SLAMF7: variants seen among roughly 807,000 people sequenced by gnomAD.
SLAMF7 encodes SLAM family member 7.
A neutral mutation model predicts 34.1 loss-of-function variants in SLAMF7; 26 were observed. That is an observed-to-expected ratio of 0.76 (90% CI 0.56 to 1.06). The LOEUF is 1.06. Among genes scored for constraint, SLAMF7 ranks in the 50% least tolerant of loss-of-function variants. The probability of loss-of-function intolerance (pLI) is 0.00; values close to 1 mark genes in which losing one functional copy is unlikely to be tolerated. For synonymous variants in SLAMF7, 171 were observed against 156.4 expected (o/e 1.09, Z -0.70); for missense variants, 399 against 402.5 (o/e 0.99, Z 0.07).
chr1:160,748,113 C>A, intron 1 of SLAMF7, 81 bp from the exon 2 acceptor site: 3 of 1,423,724 alleles, frequency 2.1e-6, no homozygotes, highest in Non-Finnish European at 2.8e-6. Context: ...TTTCTCAGAT[C>A]TCTCCAGGAC....
At chr1:160,739,622 A>T (rs772042841) in intron 1 of SLAMF7, 1 of 374,252 alleles carries the variant, frequency 2.7e-6, no homozygotes, top group South Asian at 5.4e-5. Flanking sequence ...ATCAGAGACC[A>T]TTTTTCTAAT....
chr1:160,739,579 G>T, intron 1 of SLAMF7: 1 of 441,278 alleles, frequency 2.3e-6, no homozygotes. Flanking sequence ...GACTGTCCCA[G>T]GGATGAAGGA....
chr1:160,753,077 C>G (rs1430707276), intron 6 of SLAMF7, 29 bp from the exon 7 acceptor site: 1 of 1,606,876 alleles, frequency 6.2e-7, no homozygotes, highest in Admixed American at 1.7e-5. Flanking sequence ...TCACCTCCCT[C>G]ACTCTACTTT....
chr1:160,739,185 C>T, upstream of SLAMF7: 1 of 895,956 alleles, frequency 1.1e-6, no homozygotes, highest in Non-Finnish European at 1.9e-6. Context: ...ATTACTCAAT[C>T]TCACATGTCT....
At chr1:160,752,708 A>G (rs1439967018) in intron 6 of SLAMF7, among the ~76,000 whole-genome samples, 14 of 152,192 alleles carry the variant, frequency 9.2e-5, no homozygotes, top group Admixed American at 9.2e-4. Context: ...TTAAACTACT[A>G]ATGCAGTAGC....
intron 2 of SLAMF7, 101 bp from the exon 3 acceptor site, chr1:160,749,720 G>A: frequency 8.7e-6 from 9 of 1,038,636 alleles, no homozygotes; most frequent in South Asian, 1.8e-5. Flanking sequence ...TCTCCAGTCT[G>A]GAGCTCCCAG....
At chr1:160,751,264 T>C in intron 4 of SLAMF7, 81 bp from the exon 5 acceptor site, 2 of 1,025,464 alleles carry the variant, frequency 2.0e-6, no homozygotes, top group South Asian at 1.3e-5. Context: ...CCTAAGTGGG[T>C]CATCCAGGAG....
At chr1:160,745,472 G>A (rs74979255) in intron 1 of SLAMF7, among the ~76,000 whole-genome samples, 1,839 of 152,224 alleles carry the variant, frequency 0.012, 30 homozygotes, top group African/African-American at 0.042. Flanking sequence ...TCCTCAAATC[G>A]TCACCTGCTA....
intron 6 of SLAMF7, 32 bp from the exon 7 acceptor site, chr1:160,753,074 C>T (rs376335959): frequency 1.2e-6 from 2 of 1,604,888 alleles, no homozygotes; most frequent in Non-Finnish European, 1.7e-6. Flanking sequence ...TGCTCACCTC[C>T]CTCACTCTAC....
rs554400150 is a variant in SLAMF7 at position 160,751,400 on chromosome 1, C to T, written c.825C>T (p.Cys275=). ...TTTGTCGGGAAACTCCTAACATATG[C>T]CCCCATTCTGGAGAGAACACAGAGT... ...VDICRETPNI[C]PHSGENTEYD... The change falls in exon 5 of 7, where the codon TGC becomes TGT. Residue 275 remains cysteine, a synonymous_variant. Transcript: ENST00000368043. 2.1e-5 allele frequency: 34 copies of T among 1,613,832 alleles called. No individual in the cohort carries two copies. The Middle Eastern group carries it at 5.0e-4, about 24-fold the overall frequency.
chr1:160,750,127 GC>G (rs1664449315), intron 3 of SLAMF7, 34 bp downstream of exon 3: 10 of 1,604,962 alleles, frequency 6.2e-6, no homozygotes, highest in Non-Finnish European at 8.5e-6. Flanking sequence ...AGGAGACTCT[GC>G]CCAGGTCCTA....
chr1:160,751,657 C>G (rs962767698), intron 5 of SLAMF7: 12 of 509,424 alleles, frequency 2.4e-5, no homozygotes, highest in Non-Finnish European at 3.9e-5. Context: ...CTGGTTCTGA[C>G]TCACAATGCT....
intron 1 of SLAMF7, among the ~76,000 whole-genome samples, chr1:160,744,630 T>C (rs1397355850): frequency 6.6e-6 from 1 of 152,230 alleles, no homozygotes; most frequent in African/African-American, 2.4e-5. Flanking sequence ...AGTAGTTGCA[T>C]GCTAGCAACT....
intron 1 of SLAMF7, among the ~76,000 whole-genome samples, chr1:160,747,865 G>A (rs2101670414): frequency 6.6e-6 from 1 of 151,476 alleles, no homozygotes; most frequent in South Asian, 2.1e-4. Flanking sequence ...TGCTCAGCTG[G>A]CCACTTCTGG....
At chr1:160,744,908 C>T (rs903667166) in intron 1 of SLAMF7, among the ~76,000 whole-genome samples, 7 of 152,154 alleles carry the variant, frequency 4.6e-5, no homozygotes, top group Admixed American at 2.6e-4. Flanking sequence ...TTGGACTTGA[C>T]ACTCCTAAAG....
At chr1:160,739,598 A>C in intron 1 of SLAMF7, 1 of 424,550 alleles carries the variant, frequency 2.4e-6, no homozygotes, top group Non-Finnish European at 4.2e-6. Flanking sequence ...GAGCTGAAAG[A>C]AGTGGTGCTG....
intron 1 of SLAMF7, among the ~76,000 whole-genome samples, chr1:160,740,343 G>A (rs983449467): frequency 1.3e-4 from 20 of 151,878 alleles, no homozygotes; most frequent in Non-Finnish European, 2.8e-4. Flanking sequence ...AATAGAACTT[G>A]AGGGAGATAA....
At chr1:160,745,081 G>A (rs1215011129) in intron 1 of SLAMF7, among the ~76,000 whole-genome samples, 3 of 152,168 alleles carry the variant, frequency 2.0e-5, no homozygotes, top group African/African-American at 4.8e-5. Flanking sequence ...AGGGAAAAAT[G>A]TTTGAAAAGA....
At chr1:160,750,451 C>G (rs368313796) in intron 4 of SLAMF7, 28 bp downstream of exon 4, 1 of 1,606,802 alleles carries the variant, frequency 6.2e-7, no homozygotes, top group African/African-American at 1.3e-5. Context: ...TTTGTCCTCA[C>G]CCACATTCAT....
Sources: gnomAD v4.1 joint callset for allele counts (sites outside exome capture counted in the v4.1 genomes callset) on GRCh38, gnomAD v4.1.1 for gene constraint, MANE v1.5 for transcripts, NCBI Gene and HGNC (gene_info 2026-07-23, HGNC 2026-07-21) for gene names.